The following FSTL5 variants were observed in gnomAD, a reference collection of about 807,000 sequenced individuals.
FSTL5 encodes the protein follistatin like 5.
Under a neutral mutation model 89.1 loss-of-function variants are expected in FSTL5, and 62 were observed. The ratio of observed to expected loss-of-function variants is 0.70; its 90% confidence interval spans 0.57 to 0.86. FSTL5 has a LOEUF of 0.86. Ranked by LOEUF, FSTL5 falls within the 40% of genes least tolerant of loss-of-function variation. FSTL5 has a pLI of 0.00. For missense variants in FSTL5, 1,057 were observed against 1,001.6 expected, an observed-to-expected ratio of 1.06 and a Z score of -0.75; for synonymous variants, 383 against 346.2, an observed-to-expected ratio of 1.11 and a Z score of -1.18.
chr4:161,580,207 A>T lies in FSTL5; in HGVS notation c.1015+7248T>A, dbSNP rs547542568. Among the ~76,000 whole-genome samples the T allele has an allele frequency of 2.0e-5, 3 of 152,308 alleles. No homozygotes were observed. The South Asian group carries it at 6.2e-4, about 32-fold the overall frequency. On this transcript the variant is annotated intron_variant, in intron 8 of 15. Coordinates refer to ENST00000306100, the MANE Select transcript of FSTL5 (RefSeq NM_020116.5). Reference sequence around the variant, plus strand: ...GAACAGTGTAACTGAACATAATTTGACATGAGAAACAGTATATAGAGGGAA... The same window carrying T: ...GAACAGTGTAACTGAACATAATTTGTCATGAGAAACAGTATATAGAGGGAA...
intron 4 of FSTL5, among the ~76,000 whole-genome samples, chr4:161,820,764 T>C (rs1730465567): frequency 1.3e-5 from 2 of 152,156 alleles, no homozygotes; most frequent in Admixed American, 1.3e-4. Flanking sequence ...TGAGTCCCTA[T>C]ATTACTACTT....
intron 4 of FSTL5, among the ~76,000 whole-genome samples, chr4:161,831,759 A>G (rs1270092879): frequency 6.6e-6 from 1 of 151,912 alleles, no homozygotes; most frequent in Non-Finnish European, 1.5e-5. Context: ...TTGTATTTGT[A>G]ATATATCATA....
intron 12 of FSTL5, among the ~76,000 whole-genome samples, chr4:161,492,290 A>C (rs985035550): frequency 5.9e-5 from 9 of 152,124 alleles, no homozygotes; most frequent in African/African-American, 1.9e-4. Context: ...TAAACTAGTA[A>C]ACAAACCTCA....
intron 3 of FSTL5, among the ~76,000 whole-genome samples, chr4:162,029,754 A>T (rs1474774928): frequency 6.6e-6 from 1 of 152,148 alleles, no homozygotes; most frequent in Non-Finnish European, 1.5e-5. Context: ...TAACACATAA[A>T]TAATAAAATT....
At chr4:161,445,003 G>C (rs1399117753) in intron 15 of FSTL5, among the ~76,000 whole-genome samples, 1 of 151,928 alleles carries the variant, frequency 6.6e-6, no homozygotes, top group Non-Finnish European at 1.5e-5. Flanking sequence ...CTCAATGTTT[G>C]TTAATCACTA....
intron 4 of FSTL5, among the ~76,000 whole-genome samples, chr4:161,791,649 C>A (rs918029853): frequency 1.3e-5 from 2 of 151,980 alleles, no homozygotes; most frequent in East Asian, 1.9e-4. Flanking sequence ...GGTAGGACAG[C>A]GGTGGGTATC....
At chr4:162,078,705 A>G (rs1269994106) in intron 2 of FSTL5, among the ~76,000 whole-genome samples, 1 of 151,818 alleles carries the variant, frequency 6.6e-6, no homozygotes, top group Non-Finnish European at 1.5e-5. Flanking sequence ...TGGATGTTTA[A>G]ATAGCCATTT....
At chr4:161,397,009 T>C (rs913799866) in intron 15 of FSTL5, among the ~76,000 whole-genome samples, 14 of 152,178 alleles carry the variant, frequency 9.2e-5, no homozygotes, top group African/African-American at 3.1e-4. Context: ...CAGTTACTTA[T>C]CTTAAGGATG....
chr4:161,808,582 T>C (rs1340460651), intron 4 of FSTL5, among the ~76,000 whole-genome samples: 5 of 151,806 alleles, frequency 3.3e-5, no homozygotes, highest in Admixed American at 1.3e-4. Context: ...CTGCGTGACA[T>C]TGGACTTGGC....
At chr4:161,916,634 T>C (rs878862691) in intron 4 of FSTL5, among the ~76,000 whole-genome samples, 2 of 152,296 alleles carry the variant, frequency 1.3e-5, no homozygotes, top group Admixed American at 1.3e-4. Flanking sequence ...CAAATAAATG[T>C]GAATAGGAAT....
intron 1 of FSTL5, among the ~76,000 whole-genome samples, chr4:162,114,529 GACACACACAC>G (rs9308041): frequency 0.31 from 45,768 of 148,806 alleles, 7,206 homozygotes; most frequent in Admixed American, 0.4. Flanking sequence ...TTTGTGTGTG[GACACACACAC>G]ACACACACAC....
intron 4 of FSTL5, among the ~76,000 whole-genome samples, chr4:161,868,518 A>G (rs1401700785): frequency 2.9e-4 from 44 of 151,936 alleles, no homozygotes; most frequent in Admixed American, 2.9e-3. Flanking sequence ...ATCTCCTCCC[A>G]CTTTGTCAAT....
intron 6 of FSTL5, among the ~76,000 whole-genome samples, chr4:161,688,513 G>A (rs770116391): frequency 1.3e-5 from 2 of 152,190 alleles, no homozygotes; most frequent in Non-Finnish European, 1.5e-5. Context: ...GCCAGTCACA[G>A]AGCCAGTCCT....
At chr4:161,998,175 C>T (rs1053870644) in intron 3 of FSTL5, among the ~76,000 whole-genome samples, 1 of 152,168 alleles carries the variant, frequency 6.6e-6, no homozygotes, top group Non-Finnish European at 1.5e-5. Context: ...TAAGGTCTCC[C>T]TCAGCTTGAC....
intron 11 of FSTL5, among the ~76,000 whole-genome samples, chr4:161,509,250 C>T (rs1324364821): frequency 6.6e-6 from 1 of 152,062 alleles, no homozygotes; most frequent in Admixed American, 6.6e-5. Flanking sequence ...TTGCAGTGCG[C>T]CGAGATCGCG....
intron 3 of FSTL5, among the ~76,000 whole-genome samples, chr4:162,015,158 G>A (rs939597295): frequency 2.6e-5 from 4 of 152,176 alleles, no homozygotes; most frequent in African/African-American, 9.6e-5. Flanking sequence ...ACCACAGTAA[G>A]GCAGTATAAT....
intron 7 of FSTL5, among the ~76,000 whole-genome samples, chr4:161,630,488 A>G (rs1735468625): frequency 6.6e-6 from 1 of 152,198 alleles, no homozygotes; most frequent in Non-Finnish European, 1.5e-5. Context: ...TCTCATCATA[A>G]GTATAGCCAA....
At chr4:161,524,631 T>C (rs1731149118) in intron 10 of FSTL5, among the ~76,000 whole-genome samples, 1 of 152,158 alleles carries the variant, frequency 6.6e-6, no homozygotes, top group African/African-American at 2.4e-5. Flanking sequence ...TTTATGATGA[T>C]ATATTACACA....
intron 1 of FSTL5, among the ~76,000 whole-genome samples, chr4:162,140,549 A>G (rs879409219): frequency 2.1e-5 from 3 of 140,388 alleles, no homozygotes; most frequent in Admixed American, 7.2e-5. Flanking sequence ...TCATTTTAAT[A>G]ACATTGGCTT....
Sources: gnomAD v4.1 joint callset for allele counts (sites outside exome capture counted in the v4.1 genomes callset) on GRCh38, gnomAD v4.1.1 for gene constraint, MANE v1.5 for transcripts, NCBI Gene and HGNC (gene_info 2026-07-23, HGNC 2026-07-21) for gene names.